The following PTPRN2 variants were observed in gnomAD, a reference collection of about 807,000 sequenced individuals.
PTPRN2 encodes receptor-type tyrosine-protein phosphatase N2.
PTPRN2 carries 74 observed loss-of-function variants against 118.8 expected under a neutral mutation model. The observed-to-expected ratio is 0.62, with a 90% CI of 0.52 to 0.76. The LOEUF is 0.76. Among genes scored for constraint, PTPRN2 ranks in the 30% least tolerant of loss-of-function variants. The pLI, the probability that PTPRN2 is intolerant of heterozygous loss-of-function variation, is 0.00. For missense variants in PTPRN2, 1,481 were observed against 1,394.4 expected (o/e 1.06, Z -0.99); for synonymous variants, 641 against 608.0 (o/e 1.05, Z -0.80).
intron 12 of PTPRN2, among the ~76,000 whole-genome samples, chr7:157,830,139 C>T (rs1026004041): frequency 4.0e-5 from 6 of 151,526 alleles, no homozygotes; most frequent in African/African-American, 1.5e-4. Flanking sequence ...AGTGCCAACC[C>T]TGGAAGAAAG....
chr7:158,146,783 G>A (rs1289052962), intron 6 of PTPRN2, among the ~76,000 whole-genome samples: 1 of 149,526 alleles, frequency 6.7e-6, no homozygotes, highest in Non-Finnish European at 1.5e-5. Flanking sequence ...TTTTCTTGAG[G>A]GCTACAACAT....
intron 10 of PTPRN2, 97 bp downstream of exon 10, chr7:158,110,728 GTAAT>G (rs1816163870): frequency 3.6e-6 from 4 of 1,108,368 alleles, no homozygotes; most frequent in Non-Finnish European, 5.3e-6. Context: ...GTTCCCTCAT[GTAAT>G]TAACAAGAGC....
chr7:158,482,046 G>A (rs1167743824), intron 2 of PTPRN2, among the ~76,000 whole-genome samples: 1 of 152,218 alleles, frequency 6.6e-6, no homozygotes, highest in Non-Finnish European at 1.5e-5. Context: ...ACCAGCATTA[G>A]CAGAGCTGCC....
At position 157,812,630 on chromosome 7, in the gene PTPRN2, A is replaced by G. The variant is rs147741544; in HGVS notation, c.1788+86043T>C. Reference sequence around the variant, plus strand: ...GCTGAGAAAGCTGTAAGCGAGAGAGATGAATGGACGGCTCATCTGTGCTTT... The same window carrying G: ...GCTGAGAAAGCTGTAAGCGAGAGAGGTGAATGGACGGCTCATCTGTGCTTT... On this transcript the variant is annotated intron_variant, in intron 12 of 22. Coordinates refer to ENST00000389418, the MANE Select transcript of PTPRN2 (RefSeq NM_002847.5). 2.8e-3 allele frequency among the ~76,000 whole-genome samples: 433 copies of G among 152,294 alleles called. 5 individuals are homozygous for G. Among genetic ancestry groups the G allele is most frequent in the African/African-American group, 9.8e-3 (408 of 41,534 alleles).
intron 11 of PTPRN2, among the ~76,000 whole-genome samples, chr7:157,978,559 G>A (rs1266049131): frequency 2.0e-5 from 3 of 151,964 alleles, no homozygotes; most frequent in Admixed American, 2.0e-4. Flanking sequence ...TAATGAAAAG[G>A]TCTTAATGCT....
At chr7:157,841,521 T>A (rs1294366336) in intron 12 of PTPRN2, among the ~76,000 whole-genome samples, 2 of 152,058 alleles carry the variant, frequency 1.3e-5, no homozygotes, top group Non-Finnish European at 2.9e-5. Context: ...CCTAAATTAG[T>A]CTTAAACACA....
At chr7:158,201,102 A>G (rs906741925) in intron 4 of PTPRN2, among the ~76,000 whole-genome samples, 2 of 151,130 alleles carry the variant, frequency 1.3e-5, no homozygotes, top group African/African-American at 2.4e-5. Flanking sequence ...CCCAGGCTAG[A>G]GTGCTGTGTG....
chr7:157,954,142 TGTGGGTG>T (rs1801011898), intron 11 of PTPRN2, among the ~76,000 whole-genome samples: 1 of 147,474 alleles, frequency 6.8e-6, no homozygotes, highest in Admixed American at 6.8e-5. Flanking sequence ...TGTGTGTCCA[TGTGGGTG>T]GTGCCTGTGT....
chr7:158,131,341 ACATT>A (rs1336509214), intron 9 of PTPRN2, among the ~76,000 whole-genome samples: 8 of 151,470 alleles, frequency 5.3e-5, no homozygotes, highest in African/African-American at 1.7e-4. Flanking sequence ...ATACACATGC[ACATT>A]TGCACAAACC....
rs370607560 is a variant in PTPRN2, at chr7:158,277,941, AG to A, written c.277+38877del. Among the ~76,000 whole-genome samples, 1,453 of 152,208 alleles carry A rather than the reference AG, an allele frequency of 9.5e-3. 10 individuals carry two copies. Among genetic ancestry groups the A allele is most frequent in the Middle Eastern group, 0.02 (6 of 294 alleles). ...GCCGGGCAGGACCACCAGGCACACA[AG>A]GGGGGGATGGGAGTTAGAGGTGCCA... On this transcript the variant is annotated intron_variant, in intron 3 of 22. Transcript: ENST00000389418.
intron 3 of PTPRN2, among the ~76,000 whole-genome samples, chr7:158,267,661 C>A (rs1266888698): frequency 6.6e-6 from 1 of 152,218 alleles, no homozygotes; most frequent in Non-Finnish European, 1.5e-5. Flanking sequence ...GTTGTGGGCA[C>A]AGCCTAAGCT....
intron 3 of PTPRN2, among the ~76,000 whole-genome samples, chr7:158,316,086 C>T (rs886623870): frequency 1.3e-5 from 2 of 152,214 alleles, no homozygotes; most frequent in South Asian, 4.1e-4. Flanking sequence ...CATCATTCCC[C>T]GAGGTGATCA....
At chr7:158,102,063 C>T (rs1230315279) in intron 10 of PTPRN2, among the ~76,000 whole-genome samples, 1 of 152,214 alleles carries the variant, frequency 6.6e-6, no homozygotes, top group Non-Finnish European at 1.5e-5. Flanking sequence ...TCCCAAGCCC[C>T]AGATCGCAAA....
At chr7:157,858,018 G>A (rs570336765) in intron 12 of PTPRN2, among the ~76,000 whole-genome samples, 3 of 152,126 alleles carry the variant, frequency 2.0e-5, no homozygotes, top group South Asian at 2.1e-4. Flanking sequence ...AAAGAAACAC[G>A]GCCTTTGCTG....
chr7:157,887,038 G>A (rs1286776857), intron 12 of PTPRN2, among the ~76,000 whole-genome samples: 1 of 152,024 alleles, frequency 6.6e-6, no homozygotes, highest in Non-Finnish European at 1.5e-5. Flanking sequence ...CCTGTCCTGG[G>A]GCCATCGAAG....
chr7:157,597,532 T>C (rs1017790288), intron 16 of PTPRN2, among the ~76,000 whole-genome samples: 3 of 151,970 alleles, frequency 2.0e-5, no homozygotes, highest in Admixed American at 6.6e-5. Flanking sequence ...ATTTTAAAAT[T>C]GTAAGCATGT....
At chr7:158,416,498 G>A (rs972252699) in intron 2 of PTPRN2, among the ~76,000 whole-genome samples, 7 of 152,262 alleles carry the variant, frequency 4.6e-5, no homozygotes, top group African/African-American at 1.7e-4. Context: ...CAGGGTGCCT[G>A]TCACTCAGCT....
intron 11 of PTPRN2, among the ~76,000 whole-genome samples, chr7:158,026,045 G>C (rs1203341467): frequency 2.0e-5 from 3 of 152,264 alleles, no homozygotes; most frequent in African/African-American, 7.2e-5. Context: ...AGGTGCAGCT[G>C]CTCTGTATGC....
At position 157,903,598 on chromosome 7, in the gene PTPRN2, C is replaced by A. The variant is rs1197885931; in HGVS notation, c.1724-4861G>T. ...AAAATGTAGTTCAGTCGGTTTAAAT[C>A]AGCGATTGAAGCAAACAACCTGAAT... On this transcript the variant is annotated intron_variant, in intron 11 of 22. Transcript: ENST00000389418. The surrounding 1 kb of genome is among the most constrained non-coding windows in gnomAD (Gnocchi z 4.2). 6.6e-6 allele frequency among the ~76,000 whole-genome samples: 1 copy of A among 151,754 alleles called. No homozygotes were observed. Among genetic ancestry groups the A allele is most frequent in the Admixed American group, 6.6e-5 (1 of 15,248 alleles).
Sources: gnomAD v4.1 joint callset for allele counts (sites outside exome capture counted in the v4.1 genomes callset) on GRCh38, gnomAD v4.1.1 for gene constraint, Gnocchi (gnomAD v3.1) non-coding constraint, MANE v1.5 for transcripts, NCBI Gene and HGNC (gene_info 2026-07-23, HGNC 2026-07-21) for gene names.